The following CARS2 variants were observed in gnomAD, a reference collection of about 807,000 sequenced individuals.
The protein encoded by CARS2 is probable cysteine--tRNA ligase, mitochondrial.
In CARS2, 52 loss-of-function variants were observed where a neutral mutation model predicts 68.8. The ratio of observed to expected loss-of-function variants is 0.76; its 90% CI spans 0.61 to 0.95. The LOEUF (loss-of-function observed/expected upper bound fraction) is 0.95, where lower values mean the gene tolerates loss of function less well. Among genes scored for constraint, CARS2 ranks in the 40% least tolerant of loss-of-function variants. The pLI, the probability that CARS2 is intolerant of heterozygous loss-of-function variation, is 0.00. For synonymous variants in CARS2, 314 were observed against 303.6 expected (o/e 1.03, Z -0.36); for missense variants, 780 against 754.2 (o/e 1.03, Z -0.40).
rs1352454368 is a variant in CARS2, at chr13:110,665,804, A to G, written c.919+1536T>C. The stretch of plus-strand genomic sequence containing the variant: ...TACTTTCATGAAGAAACCCAAGTGA[A>G]CCCTGCTGCGGACCAGAAAACCGGA... On this transcript the variant is annotated intron_variant, in intron 8 of 14. Transcript: ENST00000257347. The surrounding 1 kb of genome is among the most constrained non-coding windows in gnomAD (Gnocchi z 4.3). The G allele has an allele frequency of 1.4e-5, 14 of 985,322 alleles. No individual in the cohort carries two copies. The South Asian group carries it at 6.1e-4, about 43-fold the overall frequency. The allele number at this position is 985,322 out of a possible 1,614,324, so 61.0% of individuals were successfully genotyped here.
intron 6 of CARS2, among the ~76,000 whole-genome samples, chr13:110,679,857 G>C (rs1000242791): frequency 1.3e-5 from 2 of 152,128 alleles, no homozygotes; most frequent in Admixed American, 6.5e-5. Context: ...AGCAAAAGAG[G>C]GGGCACGCCG....
rs114602669 is a variant in CARS2, at chr13:110,650,598, C to T, written c.1054+436G>A. On this transcript the variant is annotated intron_variant, in intron 10 of 14. Coordinates refer to ENST00000257347, the MANE Select transcript of CARS2 (RefSeq NM_024537.4). Reference sequence around the variant, plus strand: ...GGTAACTGTGCAGCATGGGAGGAACCGTCATCACCCATCCAGGAGACCTTG... The same window carrying T: ...GGTAACTGTGCAGCATGGGAGGAACTGTCATCACCCATCCAGGAGACCTTG... The T allele has an allele frequency of 1.9e-3, 308 of 159,126 alleles. 1 individual carries two copies. The highest frequency in any genetic ancestry group is 7.1e-3 in the African/African-American group (298 of 41,726). The allele number at this position is 159,126 out of a possible 1,614,324, so 9.9% of individuals were successfully genotyped here.
chr13:110,652,289 G>A (rs924816454), intron 9 of CARS2, among the ~76,000 whole-genome samples: 3 of 152,400 alleles, frequency 2.0e-5, no homozygotes, highest in African/African-American at 4.8e-5. Flanking sequence ...CTGCAGGGTG[G>A]TCGTGGGAGC....
At chr13:110,698,245 C>T (rs1244911371) in intron 3 of CARS2, among the ~76,000 whole-genome samples, 2 of 151,892 alleles carry the variant, frequency 1.3e-5, no homozygotes, top group Non-Finnish European at 2.9e-5. Context: ...CCAGGCCAGG[C>T]GTGGTGGCTC....
intron 5 of CARS2, among the ~76,000 whole-genome samples, chr13:110,684,507 A>C (rs1218217743): frequency 1.3e-5 from 2 of 149,892 alleles, no homozygotes; most frequent in African/African-American, 4.9e-5. Context: ...AGGACGCTGA[A>C]GGGACAGGGC....
chr13:110,687,237 CAA>C lies in CARS2; in HGVS notation c.571+482_571+483del, dbSNP rs2063326101. 2.0e-5 allele frequency among the ~76,000 whole-genome samples: 3 copies of C among 152,172 alleles called. No individual in the cohort carries two copies. In the South Asian group the frequency reaches 6.2e-4, roughly 32 times the overall value. ...ATTTAGAACTAATTCAACCATTTCG[CAA>C]AGAGACACAATATTGTAGAAAACCC... On this transcript the variant is annotated intron_variant, in intron 5 of 14. Coordinates refer to ENST00000257347, the MANE Select transcript of CARS2 (RefSeq NM_024537.4).
chr13:110,651,051 C>T lies in CARS2; in HGVS notation c.1037G>A (p.Arg346Gln), dbSNP rs773315723. The change falls in exon 10 of 15, where the codon CGG becomes CAG. Residue 346 changes from arginine to glutamine, a missense_variant. Transcript: ENST00000257347. ...SPDVFRFFCL[R>Q]SSYRSAIDYS... is the part of the protein sequence containing the mutation. ...CGGCTCACCTGAGCGGTAGCTGCTC[C>T]GCAGGCAGAAGAACCGGAAGACATC... 4.0e-5 allele frequency: 65 copies of T among 1,613,260 alleles called. No homozygotes were observed. Among genetic ancestry groups the T allele is most frequent in the Middle Eastern group, 1.6e-4 (1 of 6,062 alleles).
Position 110,699,085 on chromosome 13 carries a change from T to C in CARS2, c.393+2353A>G, listed in dbSNP as rs373764483. Among the ~76,000 whole-genome samples the C allele has an allele frequency of 6.6e-4, 100 of 152,304 alleles. 1 individual carries two copies. The highest frequency in any genetic ancestry group is 2.4e-3 in the African/African-American group (99 of 41,566). ...TTGGCAGGGCTTCTTTCTCTCCCCTTGACCTCTTGCCCTCCACCATGGGAT... is the reference window on the plus strand; with the variant it reads ...TTGGCAGGGCTTCTTTCTCTCCCCTCGACCTCTTGCCCTCCACCATGGGAT... On this transcript the variant is annotated intron_variant, in intron 3 of 14. Transcript: ENST00000257347.
chr13:110,663,203 C>T (rs1184762742), intron 9 of CARS2, among the ~76,000 whole-genome samples: 3 of 152,036 alleles, frequency 2.0e-5, no homozygotes, highest in South Asian at 2.1e-4. Flanking sequence ...GGCCTTGAAA[C>T]ACGGAAAGAG....
intron 3 of CARS2, among the ~76,000 whole-genome samples, chr13:110,698,991 G>A (rs545362101): frequency 1.5e-4 from 22 of 150,616 alleles, no homozygotes; most frequent in South Asian, 1.1e-3. Flanking sequence ...CAGCCTAGGC[G>A]ACACAGTGTG....
rs775806738 is a variant in CARS2 at position 110,713,056 on chromosome 13, C to T, written n.399+81G>A. 50 of 1,463,720 alleles carry T rather than the reference C, an allele frequency of 3.4e-5. 1 individual carries two copies. The East Asian group carries it at 7.5e-4, about 22-fold the overall frequency. 90.7% of individuals were successfully genotyped at this position (1,463,720 alleles called of 1,614,324 possible). A position where few individuals can be genotyped will look rare whatever the true frequency, so the allele number is the denominator to read the frequency against. ...CAGTGCGCATGCGCCGCCACTTCCGCCCGTGCCCGGCCCTCCCCTTCCTTC... is the reference window on the plus strand; with the variant it reads ...CAGTGCGCATGCGCCGCCACTTCCGTCCGTGCCCGGCCCTCCCCTTCCTTC... On this transcript the variant is annotated intron_variant and non_coding_transcript_variant, in intron 1 of 2. Coordinates refer to the CARS2 transcript ENST00000485188.
chr13:110,679,786 A>G (rs58135183), intron 6 of CARS2, among the ~76,000 whole-genome samples: 25,321 of 152,066 alleles, frequency 0.17, 3,059 homozygotes, highest in African/African-American at 0.33. Flanking sequence ...TCAGATAGAC[A>G]GCCACAAAAC....
At chr13:110,682,724 C>T (rs547167395) in intron 6 of CARS2, among the ~76,000 whole-genome samples, 61 of 152,038 alleles carry the variant, frequency 4.0e-4, no homozygotes, top group Admixed American at 5.9e-4. Context: ...CAGAAGAACG[C>T]GAAAATATGA....
intron 9 of CARS2, among the ~76,000 whole-genome samples, chr13:110,661,371 T>C (rs1009874579): frequency 6.6e-6 from 1 of 152,236 alleles, no homozygotes; most frequent in Non-Finnish European, 1.5e-5. Flanking sequence ...TCTTTGCAGC[T>C]TTCTCATCTC....
At chr13:110,679,654 G>GGGAA in intron 6 of CARS2, among the ~76,000 whole-genome samples, 1 of 103,530 alleles carries the variant, frequency 9.7e-6, no homozygotes, top group Non-Finnish European at 2.0e-5. Flanking sequence ...CGTGACCGGA[G>GGGAA]GGAGGGAGGG....
chr13:110,647,069 G>A, intron 11 of CARS2, 32 bp downstream of exon 11: 1 of 1,534,482 alleles, frequency 6.5e-7, no homozygotes, highest in Admixed American at 2.0e-5. Context: ...CACAGGAGGG[G>A]TGCCACGCCG....
intron 5 of CARS2, among the ~76,000 whole-genome samples, chr13:110,685,704 C>T (rs1014910435): frequency 1.3e-5 from 2 of 152,170 alleles, no homozygotes; most frequent in African/African-American, 4.8e-5. Context: ...AGTAAGTTCA[C>T]TTTCAACTGT....
At chr13:110,708,192 G>A (rs921317731), upstream of CARS2, among the ~76,000 whole-genome samples, 1 of 152,072 alleles carries the variant, frequency 6.6e-6, no homozygotes, top group Non-Finnish European at 1.5e-5. Flanking sequence ...AAAAAATTTA[G>A]AAGAAATAAA....
intron 9 of CARS2, among the ~76,000 whole-genome samples, chr13:110,652,779 G>C (rs535308151): frequency 6.6e-6 from 1 of 152,288 alleles, no homozygotes; most frequent in Admixed American, 6.5e-5. Flanking sequence ...AGACCTCCTA[G>C]GGGCCCACAG....
Sources: allele counts gnomAD v4.1 joint callset (sites outside exome capture counted in the v4.1 genomes callset), GRCh38; gene constraint gnomAD v4.1.1; non-coding constraint Gnocchi (gnomAD v3.1); transcripts MANE v1.5; gene names NCBI Gene and HGNC (gene_info 2026-07-23, HGNC 2026-07-21).